PFKFB2: variants seen among roughly 807,000 people sequenced by gnomAD.
The protein encoded by PFKFB2 is 6-phosphofructo-2-kinase/fructose-2,6-biphosphatase 2.
In PFKFB2, 53 loss-of-function variants were observed where a neutral mutation model predicts 68.0. The ratio of observed to expected loss-of-function variants is 0.78; its 90% CI spans 0.63 to 0.98. PFKFB2 has a LOEUF of 0.98. PFKFB2 is among the 50% of genes least tolerant of loss of function. PFKFB2 has a pLI of 0.00. For synonymous variants in PFKFB2, 222 were observed against 227.6 expected (o/e 0.98, Z 0.22); for missense variants, 451 against 642.0 (o/e 0.70, Z 3.22).
At position 207,077,668 on chromosome 1, in the gene PFKFB2, C is replaced by A. The variant is rs557398119; in HGVS notation, c.*5297C>A. 2 of 985,754 alleles carry A rather than the reference C, an allele frequency of 2.0e-6. No homozygotes were observed. The highest frequency in any genetic ancestry group is 2.4e-6 in the Non-Finnish European group (2 of 829,874). The allele number at this position is 985,754 out of a possible 1,614,324, so 61.1% of individuals were successfully genotyped here. A position where few individuals can be genotyped will look rare whatever the true frequency, so the allele number is the denominator to read the frequency against. ...GCTCTGTTGAAATAGGAACATAAGT[C>A]TTTAGCAACATTCTGATTTAATCGG... On this transcript the variant is annotated 3_prime_UTR_variant, in exon 15 of 15. Transcript: ENST00000367080.
At chr1:207,047,723 A>G (rs1682632797) in intron 2 of PFKFB2, 1 of 152,676 alleles carries the variant, frequency 6.5e-6, no homozygotes, top group African/African-American at 2.4e-5. Flanking sequence ...ATGGCTACAC[A>G]TCTAGTACTA....
chr1:207,051,052 G>A, upstream of PFKFB2: 1 of 1,480,346 alleles, frequency 6.8e-7, no homozygotes. Context: ...GCGGGTGGTT[G>A]CAGTTATCGC....
chr1:207,059,535 C>T (rs543790753), intron 2 of PFKFB2, among the ~76,000 whole-genome samples: 2 of 152,274 alleles, frequency 1.3e-5, no homozygotes, highest in South Asian at 4.1e-4. Context: ...GTTTGCTTGC[C>T]TTTAAGCTCC....
chr1:207,064,931 C>A, intron 7 of PFKFB2, 105 bp from the exon 8 acceptor site: 2 of 1,320,174 alleles, frequency 1.5e-6, no homozygotes, highest in Non-Finnish European at 1.0e-6. Flanking sequence ...CAGTGAAAGG[C>A]GACATTTATG....
chr1:207,054,036 TGG>T (rs542000810), intron 1 of PFKFB2, among the ~76,000 whole-genome samples: 76 of 151,520 alleles, frequency 5.0e-4, no homozygotes, highest in Admixed American at 2.0e-3. Flanking sequence ...CCCGAGTAGC[TGG>T]GACTACAGGC....
At position 207,072,743 on chromosome 1, in the gene PFKFB2, A is replaced by G. The variant is rs184869891; in HGVS notation, c.*372A>G. The G allele has an allele frequency of 9.8e-7, 1 of 1,020,020 alleles. No homozygotes were observed. Among genetic ancestry groups the G allele is most frequent in the East Asian group, 9.1e-5 (1 of 10,954 alleles). The allele number at this position is 1,020,020 out of a possible 1,614,324, so 63.2% of individuals were successfully genotyped here. ...TTCACTAATGTCCTCATGTTGGTGA[A>G]GTGTTGGGGGATGGAGGGCGGGTGA... On this transcript the variant is annotated 3_prime_UTR_variant, in exon 15 of 15. Coordinates refer to ENST00000367080, the MANE Select transcript of PFKFB2 (RefSeq NM_006212.2).
At chr1:207,044,093 T>C (rs918015629) in intron 2 of PFKFB2, 7 of 152,410 alleles carry the variant, frequency 4.6e-5, no homozygotes, top group Admixed American at 2.0e-4. Flanking sequence ...TAAGAAAAAA[T>C]ATTTTCTTAT....
chr1:207,068,098 G>GTGTGTGTGTA (rs1217002933), intron 9 of PFKFB2, 65 bp from the exon 10 acceptor site: 364 of 1,234,856 alleles, frequency 2.9e-4, no homozygotes, highest in Non-Finnish European at 3.9e-4. Flanking sequence ...TGTGTTGAGT[G>GTGTGTGTGTA]TGTGTGTGTG....
chr1:207,079,348 T>A (rs1037056531), downstream of PFKFB2: 3 of 358,278 alleles, frequency 8.4e-6, no homozygotes, highest in African/African-American at 6.3e-5. Flanking sequence ...ACTGTCTGCA[T>A]CCTTTGCTGG....
rs1015981872 is a variant in PFKFB2 at position 207,074,844 on chromosome 1, C to T, written c.*2473C>T. On this transcript the variant is annotated 3_prime_UTR_variant, in exon 15 of 15. Coordinates refer to ENST00000367080, the MANE Select transcript of PFKFB2 (RefSeq NM_006212.2). Reference sequence around the variant, plus strand: ...GTCTAGAAGTGTTCAACCATCACATCGCTTCTCCTGACTTTTCTGTTGTCC... The same window carrying T: ...GTCTAGAAGTGTTCAACCATCACATTGCTTCTCCTGACTTTTCTGTTGTCC... 40 of 985,306 alleles carry T rather than the reference C, an allele frequency of 4.1e-5. No individual in the cohort carries two copies. In the African/African-American group the frequency reaches 5.6e-4, roughly 14 times the overall value. The allele number at this position is 985,306 out of a possible 1,614,324, so 61.0% of individuals were successfully genotyped here.
Position 207,076,764 on chromosome 1 carries a change from C to T in PFKFB2, c.*4393C>T. ...GTAGGATCTGTTTGTCACTGACAGACTGTAGTAGTGTCTGTGTGCTGACTG... is the reference window on the plus strand; with the variant it reads ...GTAGGATCTGTTTGTCACTGACAGATTGTAGTAGTGTCTGTGTGCTGACTG... On this transcript the variant is annotated 3_prime_UTR_variant, in exon 15 of 15. Coordinates refer to ENST00000367080, the MANE Select transcript of PFKFB2 (RefSeq NM_006212.2). The T allele has an allele frequency of 1.0e-6, 1 of 966,630 alleles. No homozygotes were observed. Among genetic ancestry groups the T allele is most frequent in the Non-Finnish European group, 1.2e-6 (1 of 821,750 alleles). 59.9% of individuals were successfully genotyped at this position (966,630 alleles called of 1,614,324 possible).
At chr1:207,049,273 C>G, upstream of PFKFB2, 1 of 1,614,044 alleles carries the variant, frequency 6.2e-7, no homozygotes, top group Non-Finnish European at 8.5e-7. Flanking sequence ...ATAGTGGATG[C>G]CATCATAAAT....
Position 207,076,352 on chromosome 1 carries a change from A to G in PFKFB2, c.*3981A>G. Reference sequence around the variant, plus strand: ...CGGGAAAAAGTATCCAGTAATCAGAAGAATTGTATCTGGGTTATGTAATCT... The same window carrying G: ...CGGGAAAAAGTATCCAGTAATCAGAGGAATTGTATCTGGGTTATGTAATCT... On this transcript the variant is annotated 3_prime_UTR_variant, in exon 15 of 15. Coordinates refer to ENST00000367080, the MANE Select transcript of PFKFB2 (RefSeq NM_006212.2). 1 of 985,128 alleles carries G rather than the reference A, an allele frequency of 1.0e-6. No individual in the cohort carries two copies. The highest frequency in any genetic ancestry group is 4.7e-5 in the South Asian group (1 of 21,268). The allele number at this position is 985,128 out of a possible 1,614,324, so 61.0% of individuals were successfully genotyped here.
upstream of PFKFB2, among the ~76,000 whole-genome samples, chr1:207,051,858 A>C (rs12565951): frequency 5.1e-4 from 77 of 152,366 alleles, no homozygotes; most frequent in Admixed American, 2.0e-3. Flanking sequence ...GCAAATAAAA[A>C]GTGTTCAACA....
rs1683618027 is a variant in PFKFB2, at chr1:207,076,246, T to C, written c.*3875T>C. 1.0e-6 allele frequency: 1 copy of C among 975,478 alleles called. No individual in the cohort carries two copies. Among genetic ancestry groups the C allele is most frequent in the Non-Finnish European group, 1.2e-6 (1 of 821,354 alleles). The allele number at this position is 975,478 out of a possible 1,614,324, so 60.4% of individuals were successfully genotyped here. ...GAAATAAATTCATCTATGTTACTTTTTTTTTCTTTTTTTTTTTTTTTTATG... is the reference window on the plus strand; with the variant it reads ...GAAATAAATTCATCTATGTTACTTTCTTTTTCTTTTTTTTTTTTTTTTATG... On this transcript the variant is annotated 3_prime_UTR_variant, in exon 15 of 15. Coordinates refer to ENST00000367080, the MANE Select transcript of PFKFB2 (RefSeq NM_006212.2).
chr1:207,051,350 C>T (rs1484243630), upstream of PFKFB2, among the ~76,000 whole-genome samples: 1 of 152,130 alleles, frequency 6.6e-6, no homozygotes, highest in Non-Finnish European at 1.5e-5. Context: ...CCACACTACA[C>T]CCAGACTACA....
rs1465601695 is a variant in PFKFB2, at chr1:207,067,658, CTTGGGGAAGA to C, written c.799_808del (p.Lys267ValfsTer16). ...GGCATGGAGAAAGCGAGTTCAATCTCTTGGGGAAGATTGGGGGTGACTCTGGCCTCTCGGT... is the reference window on the plus strand; with the variant it reads ...GGCATGGAGAAAGCGAGTTCAATCTCTTGGGGGTGACTCTGGCCTCTCGGT... On this transcript the variant is annotated frameshift_variant, in exon 9 of 15. Coordinates refer to ENST00000367080, the MANE Select transcript of PFKFB2 (RefSeq NM_006212.2). LOFTEE classifies it high-confidence loss of function. The C allele has an allele frequency of 1.2e-6, 2 of 1,613,550 alleles. No individual in the cohort carries two copies. The highest frequency in any genetic ancestry group is 1.7e-6 in the Non-Finnish European group (2 of 1,179,980).
chr1:207,060,430 C>T (rs1683052230), intron 2 of PFKFB2, among the ~76,000 whole-genome samples: 1 of 152,248 alleles, frequency 6.6e-6, no homozygotes, highest in Non-Finnish European at 1.5e-5. Flanking sequence ...CAGATTGGCC[C>T]TGATGCCCTT....
chr1:207,067,669 T>C lies in PFKFB2; in HGVS notation c.803T>C (p.Ile268Thr). Reference protein sequence around the residue: ...GESEFNLLGKIGGDSGLSVRG... With the variant: ...GESEFNLLGKTGGDSGLSVRG... ...AGCGAGTTCAATCTCTTGGGGAAGA[T>C]TGGGGGTGACTCTGGCCTCTCGGTG... The change falls in exon 9 of 15, where the codon ATT (isoleucine) becomes ACT (threonine). Residue 268 changes from isoleucine (I) to threonine (T), a missense_variant. By Grantham distance (89) the Ile-to-Thr change is moderately conservative. Coordinates refer to ENST00000367080, the MANE Select transcript of PFKFB2 (RefSeq NM_006212.2). The C allele has an allele frequency of 1.2e-6, 2 of 1,613,704 alleles. No homozygotes were observed. Among genetic ancestry groups the C allele is most frequent in the Non-Finnish European group, 1.7e-6 (2 of 1,179,884 alleles).
Sources: allele counts gnomAD v4.1 joint callset (sites outside exome capture counted in the v4.1 genomes callset), GRCh38; gene constraint gnomAD v4.1.1; transcripts MANE v1.5; gene names NCBI Gene and HGNC (gene_info 2026-07-23, HGNC 2026-07-21).